Variants in KLRD1 observed in about 807,000 individuals in gnomAD.
The protein encoded by KLRD1 is natural killer cells antigen CD94.
KLRD1 carries 21 observed loss-of-function variants against 22.6 expected under a neutral mutation model. The observed-to-expected ratio is 0.93, with a 90% CI of 0.66 to 1.34. The LOEUF is 1.34. Ranked by LOEUF, KLRD1 falls within the 40% of genes most tolerant of loss-of-function variation. KLRD1 has a pLI of 0.00. For missense variants in KLRD1, 183 were observed against 208.6 expected (o/e 0.88, Z 0.76); for synonymous variants, 59 against 71.1 (o/e 0.83, Z 0.85).
intron 1 of KLRD1, among the ~76,000 whole-genome samples, chr12:10,264,682 C>CTGTGTGTGTGTGTGTG (rs1288838996): frequency 0.018 from 2,754 of 149,840 alleles, 75 homozygotes; most frequent in African/African-American, 0.063. Flanking sequence ...TAGTTACCTT[C>CTGTGTGTGTGTGTGTG]TGTGTGTGTG....
chr12:10,264,807 C>T (rs549974848), intron 1 of KLRD1, among the ~76,000 whole-genome samples: 4 of 151,826 alleles, frequency 2.6e-5, no homozygotes, highest in East Asian at 3.9e-4. Flanking sequence ...AGATTTTATT[C>T]GTCTTTTAAC....
At chr12:10,244,597 A>T in intron 1 of KLRD1, among the ~76,000 whole-genome samples, 1 of 151,382 alleles carries the variant, frequency 6.6e-6, no homozygotes, top group African/African-American at 2.4e-5. Flanking sequence ...GCCTGGCCAA[A>T]ATGGTGAAAC....
At chr12:10,276,533 CT>C (rs1325582469) in intron 1 of KLRD1, among the ~76,000 whole-genome samples, 19 of 151,756 alleles carry the variant, frequency 1.3e-4, no homozygotes. Context: ...TTTTCTTTTT[CT>C]TTTTTTCTTT....
intron 1 of KLRD1, among the ~76,000 whole-genome samples, chr12:10,276,602 C>T (rs1949594271): frequency 6.6e-6 from 1 of 151,698 alleles, no homozygotes. Context: ...GATCTCTGCT[C>T]ACCACAACCT....
intron 1 of KLRD1, among the ~76,000 whole-genome samples, chr12:10,270,681 G>T (rs1036527779): frequency 6.6e-6 from 1 of 152,072 alleles, no homozygotes; most frequent in Non-Finnish European, 1.5e-5. Flanking sequence ...GTAGATATGC[G>T]CTGTTTATGA....
At chr12:10,255,166 C>T (rs1254734597) in intron 1 of KLRD1, among the ~76,000 whole-genome samples, 1 of 152,126 alleles carries the variant, frequency 6.6e-6, no homozygotes, top group South Asian at 2.1e-4. Flanking sequence ...TAGTTCAACC[C>T]TTGTGGAAAG....
intron 1 of KLRD1, among the ~76,000 whole-genome samples, chr12:10,250,935 G>A (rs1014805163): frequency 2.6e-5 from 4 of 152,022 alleles, no homozygotes; most frequent in East Asian, 1.9e-4. Flanking sequence ...GAAAGCAGCC[G>A]CAAGTGCCAT....
chr12:10,303,542 T>C (rs1272176080), upstream of KLRD1, among the ~76,000 whole-genome samples: 2 of 152,212 alleles, frequency 1.3e-5, no homozygotes, highest in African/African-American at 4.8e-5. Context: ...TTTACTAATA[T>C]AGATTTCCTT....
At chr12:10,311,223 C>T (rs1018395294) in intron 3 of KLRD1, among the ~76,000 whole-genome samples, 9 of 152,018 alleles carry the variant, frequency 5.9e-5, no homozygotes, top group Admixed American at 1.3e-4. Flanking sequence ...CACTAAATAT[C>T]GTTAATAAAT....
upstream of KLRD1, among the ~76,000 whole-genome samples, chr12:10,306,138 G>A (rs1320392660): frequency 1.9e-5 from 2 of 107,556 alleles, no homozygotes; most frequent in Admixed American, 1.9e-4. Context: ...CTGCACTCCA[G>A]CCTGGGTGAC....
At chr12:10,253,639 A>G (rs1166459273) in intron 1 of KLRD1, among the ~76,000 whole-genome samples, 2 of 152,110 alleles carry the variant, frequency 1.3e-5, no homozygotes, top group Non-Finnish European at 2.9e-5. Flanking sequence ...CTTATCATTT[A>G]GCTCCCACTT....
rs747722770 is a variant in KLRD1, at chr12:10,314,799, T to G, written c.*6T>G. On this transcript the variant is annotated 3_prime_UTR_variant, in exon 6 of 6. Coordinates refer to ENST00000336164, the MANE Select transcript of KLRD1 (RefSeq NM_002262.5). ...GTAAGCAACAGCTCATTTAAATGTT[T>G]CTTGGGGCAGAGAAGGTGGAGAGTA... The G allele has an allele frequency of 5.0e-6, 8 of 1,603,026 alleles. No individual in the cohort carries two copies. The Admixed American group carries it at 1.4e-4, about 28-fold the overall frequency.
intron 1 of KLRD1, among the ~76,000 whole-genome samples, chr12:10,297,035 G>C (rs1048516568): frequency 6.6e-6 from 1 of 152,142 alleles, no homozygotes; most frequent in Admixed American, 6.5e-5. Context: ...TCACATTTTA[G>C]AGAACTGCAC....
chr12:10,276,415 TC>T (rs1949592566), intron 1 of KLRD1, among the ~76,000 whole-genome samples: 1 of 152,224 alleles, frequency 6.6e-6, no homozygotes, highest in Non-Finnish European at 1.5e-5. Context: ...CCTTTTAGTA[TC>T]TTTATCCTTT....
chr12:10,273,614 A>G (rs1949567850), intron 1 of KLRD1, among the ~76,000 whole-genome samples: 1 of 152,236 alleles, frequency 6.6e-6, no homozygotes, highest in Non-Finnish European at 1.5e-5. Context: ...CTTCATAACA[A>G]AAGCATATAA....
chr12:10,261,845 G>A (rs866287252), intron 1 of KLRD1, among the ~76,000 whole-genome samples: 3 of 152,074 alleles, frequency 2.0e-5, no homozygotes, highest in Admixed American at 1.3e-4. Context: ...GGGAAAACAC[G>A]TGAGTTAATG....
At chr12:10,268,181 T>G (rs1177543516) in intron 1 of KLRD1, among the ~76,000 whole-genome samples, 1 of 152,132 alleles carries the variant, frequency 6.6e-6, no homozygotes, top group African/African-American at 2.4e-5. Context: ...TCAGATTAGA[T>G]GGGTAGGAGT....
rs1443936505 is a variant in KLRD1, at chr12:10,324,092, C to G, written c.*9299C>G. On this transcript the variant is annotated 3_prime_UTR_variant, in exon 6 of 6. Coordinates refer to ENST00000336164, the MANE Select transcript of KLRD1 (RefSeq NM_002262.5). ...GACCAGTCTTGTCTTGAACTCCTGA[C>G]CTCAACTGCTCCACCTGCCTTGACC... 6.6e-6 allele frequency: 1 copy of G among 152,080 alleles called. No individual in the cohort carries two copies. The highest frequency in any genetic ancestry group is 1.5e-5 in the Non-Finnish European group (1 of 68,036). 9.4% of individuals were successfully genotyped at this position (152,080 alleles called of 1,614,324 possible). A position where few individuals can be genotyped will look rare whatever the true frequency, so the allele number is the denominator to read the frequency against.
intron 3 of KLRD1, 36 bp from the exon 4 acceptor site, chr12:10,311,428 C>G (rs752537720): frequency 1.3e-6 from 2 of 1,589,744 alleles, no homozygotes; most frequent in Admixed American, 1.7e-5. Context: ...TGTCTAGTCT[C>G]CAGTGTCATT....
Sources: gnomAD v4.1 joint callset for allele counts (sites outside exome capture counted in the v4.1 genomes callset) on GRCh38, gnomAD v4.1.1 for gene constraint, MANE v1.5 for transcripts, NCBI Gene and HGNC (gene_info 2026-07-23, HGNC 2026-07-21) for gene names.